Variants in DAPL1 observed in about 807,000 individuals in gnomAD.
DAPL1 encodes death associated protein like 1.
DAPL1 carries 17 observed loss-of-function variants against 12.9 expected under a neutral mutation model. That is an observed-to-expected ratio of 1.32 (90% confidence interval 0.90 to 1.98). The LOEUF (loss-of-function observed/expected upper bound fraction) is 1.98, where lower values mean the gene tolerates loss of function less well. DAPL1 is among the 30% of genes most tolerant of loss of function. DAPL1 has a pLI of 0.00. For synonymous variants in DAPL1, 51 were observed against 42.0 expected, an observed-to-expected ratio of 1.21 and a Z score of -0.82; for missense variants, 157 against 125.7, an observed-to-expected ratio of 1.25 and a Z score of -1.19.
intron 1 of DAPL1, among the ~76,000 whole-genome samples, chr2:158,798,974 A>C (rs1244601930): frequency 6.6e-6 from 1 of 151,918 alleles, no homozygotes; most frequent in African/African-American, 2.4e-5. Flanking sequence ...TATCTTCACT[A>C]CTCTCTACCA....
chr2:158,812,905 C>G (rs1164971297), intron 3 of DAPL1, among the ~76,000 whole-genome samples: 2 of 151,918 alleles, frequency 1.3e-5, no homozygotes, highest in Non-Finnish European at 2.9e-5. Flanking sequence ...AGTAGGGACT[C>G]AGAACAGATA....
At chr2:158,805,781 C>T (rs1360350609) in intron 2 of DAPL1, among the ~76,000 whole-genome samples, 1 of 148,578 alleles carries the variant, frequency 6.7e-6, no homozygotes, top group Admixed American at 6.7e-5. Flanking sequence ...TTTAAAAACT[C>T]AATTGTTTTC....
chr2:158,813,754 A>C (rs2059245166), intron 3 of DAPL1, among the ~76,000 whole-genome samples: 1 of 151,878 alleles, frequency 6.6e-6, no homozygotes, highest in African/African-American at 2.4e-5. Flanking sequence ...ATGGGGTTTC[A>C]CCGTGTTAGC....
chr2:158,814,562 T>C (rs2059250226), intron 3 of DAPL1, among the ~76,000 whole-genome samples: 1 of 152,224 alleles, frequency 6.6e-6, no homozygotes, highest in South Asian at 2.1e-4. Flanking sequence ...GTTTAATTTT[T>C]TAAAACCAAG....
chr2:158,804,018 C>A (rs552100164), intron 1 of DAPL1, among the ~76,000 whole-genome samples: 1 of 152,204 alleles, frequency 6.6e-6, no homozygotes, highest in African/African-American at 2.4e-5. Context: ...TATTCTCCTC[C>A]CCAAATCTAA....
chr2:158,796,149 T>G (rs2059133319), intron 1 of DAPL1, among the ~76,000 whole-genome samples: 1 of 152,218 alleles, frequency 6.6e-6, no homozygotes, highest in Non-Finnish European at 1.5e-5. Context: ...TTGGCTGAGG[T>G]GTACAGGCCT....
chr2:158,804,120 A>C (rs927466005), intron 1 of DAPL1, among the ~76,000 whole-genome samples, 162 bp from the exon 2 acceptor site: 5 of 76,718 alleles, frequency 6.5e-5, no homozygotes, highest in Admixed American at 1.8e-4. Context: ...CTGGTTTGCC[A>C]ATAAAATATA....
chr2:158,799,817 G>A (rs930183843), intron 1 of DAPL1, among the ~76,000 whole-genome samples: 4 of 152,152 alleles, frequency 2.6e-5, no homozygotes, highest in Admixed American at 6.5e-5. Flanking sequence ...AAGACTGCTG[G>A]ATGGAAGTAG....
At chr2:158,813,017 G>GTA (rs34371228) in intron 3 of DAPL1, among the ~76,000 whole-genome samples, 45,523 of 151,290 alleles carry the variant, frequency 0.3, 7,829 homozygotes, top group East Asian at 0.74. Flanking sequence ...AAAAAACGTG[G>GTA]TATATATATA....
At chr2:158,807,181 G>A (rs1575228239) in intron 3 of DAPL1, 66 bp downstream of exon 3, 6 of 1,306,594 alleles carry the variant, frequency 4.6e-6, no homozygotes, top group South Asian at 1.3e-5. Context: ...CTGCATGGGT[G>A]AATGAGCGGA....
chr2:158,815,728 A>G lies in DAPL1; in HGVS notation c.231A>G (p.Thr77=). The change falls in exon 4 of 4, where the codon ACA becomes ACG. Residue 77 remains threonine (T), a synonymous_variant. Coordinates refer to ENST00000309950, the MANE Select transcript of DAPL1 (RefSeq NM_001017920.3). ...LEKLNYKFPA[T]VHMAHQKPTP... ...AGCTCAACTATAAATTTCCAGCAAC[A>G]GTGCACATGGCGCATCAAAAACCCA... 3 of 1,613,576 alleles carry G rather than the reference A, an allele frequency of 1.9e-6. No homozygotes were observed. Among genetic ancestry groups the G allele is most frequent in the Middle Eastern group, 1.6e-4 (1 of 6,062 alleles).
intron 1 of DAPL1, among the ~76,000 whole-genome samples, chr2:158,796,184 C>T (rs1300939423): frequency 2.0e-5 from 3 of 152,118 alleles, no homozygotes; most frequent in Non-Finnish European, 4.4e-5. Context: ...TTATATTCTT[C>T]CAACTGCCTT....
chr2:158,802,685 A>G (rs2059174828), intron 1 of DAPL1, among the ~76,000 whole-genome samples: 1 of 152,192 alleles, frequency 6.6e-6, no homozygotes, highest in Admixed American at 6.5e-5. Flanking sequence ...AAACTGAAAA[A>G]CAGTGTGTTT....
chr2:158,801,425 C>T (rs542259897), intron 1 of DAPL1, among the ~76,000 whole-genome samples: 17 of 152,316 alleles, frequency 1.1e-4, no homozygotes, highest in Non-Finnish European at 1.8e-4. Flanking sequence ...GAGGCACACA[C>T]GCCTCAAACA....
chr2:158,795,438 G>A lies in DAPL1; in HGVS notation c.58+8G>A. 1 of 1,553,808 alleles carries A rather than the reference G, an allele frequency of 6.4e-7. No homozygotes were observed. Among genetic ancestry groups the A allele is most frequent in the Non-Finnish European group, 8.7e-7 (1 of 1,148,122 alleles). On this transcript the variant is annotated splice_region_variant and intron_variant, in intron 1 of 3. Transcript: ENST00000309950. ...GGGGACATCCTCCTGCAGGTAGGCT[G>A]CCACCTGCCCTCAGTCCTGCAGGCT...
At chr2:158,811,742 C>A (rs978256802) in intron 3 of DAPL1, among the ~76,000 whole-genome samples, 1 of 152,136 alleles carries the variant, frequency 6.6e-6, no homozygotes, top group African/African-American at 2.4e-5. Context: ...TTCTCTTACC[C>A]TAATGAATGA....
chr2:158,810,512 T>C (rs1232606346), intron 3 of DAPL1, among the ~76,000 whole-genome samples: 1 of 152,262 alleles, frequency 6.6e-6, no homozygotes, highest in Non-Finnish European at 1.5e-5. Context: ...TCTCTCTGTA[T>C]GCTACTCATC....
At chr2:158,806,599 C>T (rs942436376) in intron 2 of DAPL1, among the ~76,000 whole-genome samples, 2 of 151,920 alleles carry the variant, frequency 1.3e-5, no homozygotes, top group Non-Finnish European at 2.9e-5. Flanking sequence ...CTTTGGGAGG[C>T]TGAGGCGAGT....
At chr2:158,809,225 G>A (rs2059217570) in intron 3 of DAPL1, among the ~76,000 whole-genome samples, 1 of 151,790 alleles carries the variant, frequency 6.6e-6, no homozygotes, top group African/African-American at 2.4e-5. Context: ...TGGCGTGGTG[G>A]CAGGTACCTG....
Sources: allele counts gnomAD v4.1 joint callset (sites outside exome capture counted in the v4.1 genomes callset), GRCh38; gene constraint gnomAD v4.1.1; transcripts MANE v1.5; gene names NCBI Gene and HGNC (gene_info 2026-07-23, HGNC 2026-07-21).